Variants in POLR3B observed in about 807,000 individuals in gnomAD.
POLR3B encodes DNA-directed RNA polymerase III subunit RPC2.
Under a neutral mutation model 147.4 loss-of-function variants are expected in POLR3B, and 96 were observed. That is an observed-to-expected ratio of 0.65 (90% CI 0.55 to 0.77). The LOEUF (loss-of-function observed/expected upper bound fraction) is 0.77. Ranked by LOEUF, POLR3B falls within the 30% of genes least tolerant of loss-of-function variation. The pLI, the probability that POLR3B is intolerant of heterozygous loss-of-function variation, is 0.00. For missense variants in POLR3B, 1,036 were observed against 1,413.5 expected, an observed-to-expected ratio of 0.73 and a Z score of 4.28; for synonymous variants, 461 against 485.9, an observed-to-expected ratio of 0.95 and a Z score of 0.67.
intron 10 of POLR3B, among the ~76,000 whole-genome samples, chr12:106,400,494 C>T (rs2037046704): frequency 6.6e-6 from 1 of 152,202 alleles, no homozygotes; most frequent in Non-Finnish European, 1.5e-5. Flanking sequence ...ATCTACAGAA[C>T]TCTCCACCCC....
intron 12 of POLR3B, among the ~76,000 whole-genome samples, chr12:106,415,348 A>G (rs1336287085): frequency 6.6e-6 from 1 of 152,202 alleles, no homozygotes; most frequent in African/African-American, 2.4e-5. Context: ...GTGTCAGCCA[A>G]ATCATCTTTT....
intron 23 of POLR3B, among the ~76,000 whole-genome samples, chr12:106,478,695 G>A (rs533360700): frequency 4.6e-5 from 7 of 152,206 alleles, no homozygotes; most frequent in African/African-American, 1.2e-4. Flanking sequence ...CATGGGACTC[G>A]TAACTGGACA....
chr12:106,357,985 A>G lies in POLR3B; in HGVS notation c.72+34A>G, dbSNP rs568096937. 8.1e-6 allele frequency: 13 copies of G among 1,608,226 alleles called. No homozygotes were observed. The East Asian group carries it at 2.2e-4, about 28-fold the overall frequency. On this transcript the variant is annotated intron_variant, in intron 1 of 27. Coordinates refer to ENST00000228347, the MANE Select transcript of POLR3B (RefSeq NM_018082.6). ...CAGGCACGCAGGGAGCGTCAGGGAC[A>G]AGGATGCGCCCTGAGGGGGCGTTGC...
At chr12:106,408,514 G>C (rs1477865292) in intron 11 of POLR3B, among the ~76,000 whole-genome samples, 1 of 152,164 alleles carries the variant, frequency 6.6e-6, no homozygotes, top group Non-Finnish European at 1.5e-5. Context: ...AAGCCCTCCA[G>C]ATGATTCTAG....
intron 23 of POLR3B, among the ~76,000 whole-genome samples, chr12:106,490,964 A>G (rs1415216803): frequency 6.6e-6 from 1 of 152,158 alleles, no homozygotes; most frequent in African/African-American, 2.4e-5. Flanking sequence ...GATGATGTTA[A>G]ATGACCTGCA....
intron 25 of POLR3B, among the ~76,000 whole-genome samples, chr12:106,500,690 A>G (rs2038584703): frequency 6.6e-6 from 1 of 152,174 alleles, no homozygotes. Flanking sequence ...GGAAACGGTA[A>G]GTCAGAGGCC....
chr12:106,384,952 A>G lies in POLR3B; in HGVS notation c.723+4813A>G, dbSNP rs567682233. Among the ~76,000 whole-genome samples the G allele has an allele frequency of 2.0e-4, 30 of 151,914 alleles. No homozygotes were observed. In the South Asian group the frequency reaches 3.7e-3, roughly 19 times the overall value. On this transcript the variant is annotated intron_variant, in intron 9 of 27. Coordinates refer to ENST00000228347, the MANE Select transcript of POLR3B (RefSeq NM_018082.6). ...GCTATTCTCCTGCCTCAGCCTCCCA[A>G]GTAGCTGCGATTTCAGGCGCCCTCC...
At chr12:106,415,954 A>G (rs981081111) in intron 12 of POLR3B, among the ~76,000 whole-genome samples, 1 of 152,116 alleles carries the variant, frequency 6.6e-6, no homozygotes, top group Non-Finnish European at 1.5e-5. Context: ...GCATATACAA[A>G]TATCTTTATT....
chr12:106,497,475 A>G (rs927647708), intron 25 of POLR3B, among the ~76,000 whole-genome samples: 1 of 152,186 alleles, frequency 6.6e-6, no homozygotes, highest in African/African-American at 2.4e-5. Context: ...CAAAAAATAT[A>G]AAGTAGAAAA....
intron 12 of POLR3B, among the ~76,000 whole-genome samples, chr12:106,422,767 G>A (rs975922424): frequency 1.3e-5 from 2 of 152,056 alleles, no homozygotes; most frequent in African/African-American, 2.4e-5. Flanking sequence ...ACCTTTTTTA[G>A]GAGTGTCTTG....
At chr12:106,385,070 C>T (rs1490379380) in intron 9 of POLR3B, among the ~76,000 whole-genome samples, 2 of 152,212 alleles carry the variant, frequency 1.3e-5, no homozygotes, top group Non-Finnish European at 2.9e-5. Context: ...GTGATCCTCC[C>T]GCCTTGGCCT....
chr12:106,507,309 T>C (rs2038703356), intron 27 of POLR3B, among the ~76,000 whole-genome samples: 1 of 152,212 alleles, frequency 6.6e-6, no homozygotes, highest in South Asian at 2.1e-4. Flanking sequence ...TAAGGTTTTA[T>C]ACACACACAT....
At position 106,509,501 on chromosome 12, in the gene POLR3B, G is replaced by T. The variant is rs781580610; in HGVS notation, c.3354G>T (p.Gln1118His). 1.3e-5 allele frequency: 21 copies of T among 1,613,148 alleles called. No individual in the cohort carries two copies. The highest frequency in any genetic ancestry group is 1.7e-5 in the Admixed American group (1 of 60,000). ...YACKLLFQEL[Q>H]SMNIIPRLKL... ...GCAAGCTGCTCTTCCAGGAACTACA[G>T]TCTATGAACATCATCCCCAGGTTAA... Residue 1118 changes from glutamine (Q) to histidine (H), a missense_variant, in exon 28 of 28, where the codon CAG becomes CAT. Transcript: ENST00000228347.
At chr12:106,389,007 A>G (rs960499726) in intron 9 of POLR3B, among the ~76,000 whole-genome samples, 1 of 152,118 alleles carries the variant, frequency 6.6e-6, no homozygotes, top group Non-Finnish European at 1.5e-5. Flanking sequence ...CTATTTTTTC[A>G]TAAGTTTATT....
At chr12:106,464,811 A>G (rs568151712) in intron 23 of POLR3B, among the ~76,000 whole-genome samples, 4 of 152,318 alleles carry the variant, frequency 2.6e-5, no homozygotes, top group African/African-American at 9.6e-5. Context: ...CCAAGCGAGT[A>G]TATCCATGTT....
At chr12:106,509,379 C>G in intron 27 of POLR3B, 41 bp from the exon 28 acceptor site, 1 of 1,610,850 alleles carries the variant, frequency 6.2e-7, no homozygotes, top group South Asian at 1.1e-5. Flanking sequence ...CCTTTGTTTC[C>G]GAGTTGCTGT....
intron 10 of POLR3B, among the ~76,000 whole-genome samples, chr12:106,395,400 G>A (rs142834803): frequency 1.7e-3 from 253 of 152,238 alleles, no homozygotes; most frequent in Non-Finnish European, 3.0e-3. Context: ...GGGAGTGAGA[G>A]CAAGAGAGCG....
At chr12:106,376,509 G>GCTC in intron 7 of POLR3B, 59 bp downstream of exon 7, 1 of 1,204,990 alleles carries the variant, frequency 8.3e-7, no homozygotes, top group South Asian at 1.2e-5. Context: ...TGCTGCTGCT[G>GCTC]TGGTTTTAAC....
rs527638833 is a variant in POLR3B at position 106,437,776 on chromosome 12, A to G, written c.1952A>G (p.Asn651Ser). The change falls in exon 18 of 28, where the codon AAT (asparagine) becomes AGT (serine). Residue 651 changes from asparagine to serine, a missense_variant. Asn to Ser is a conservative substitution (Grantham distance 46, BLOSUM62 1). Around this residue, in one of 12 missense-constraint regions of POLR3B, gnomAD observed 177 missense variants for 232.7 expected, o/e 0.76. Coordinates refer to ENST00000228347, the MANE Select transcript of POLR3B (RefSeq NM_018082.6). The stretch of plus-strand genomic sequence containing the variant: ...ATTGCACTGTACGAACACACAATTA[A>G]TAAGTAAGTAGGATCCATAGCAACC... ...CNIALYEHTI[N>S]KDTTHLEIEP... 2.0e-6 allele frequency: 3 copies of G among 1,534,480 alleles called. No individual in the cohort carries two copies. Among genetic ancestry groups the G allele is most frequent in the African/African-American group, 1.4e-5 (1 of 73,560 alleles).
Sources: gnomAD v4.1 joint callset for allele counts (sites outside exome capture counted in the v4.1 genomes callset) on GRCh38, gnomAD v4.1.1 for gene constraint, gnomAD v4.1.1 regional missense constraint, MANE v1.5 for transcripts, NCBI Gene and HGNC (gene_info 2026-07-23, HGNC 2026-07-21) for gene names.